Variants in LPP observed in about 807,000 individuals in gnomAD.
LPP encodes the protein LIM domain containing preferred translocation partner in lipoma.
LPP carries 38 observed loss-of-function variants against 60.4 expected under a neutral mutation model. The observed-to-expected ratio is 0.63, with a 90% CI of 0.49 to 0.83. The LOEUF is 0.83. Among genes scored for constraint, LPP ranks in the 40% least tolerant of loss-of-function variants. The probability of loss-of-function intolerance (pLI) is 0.00; values close to 1 mark genes in which losing one functional copy is unlikely to be tolerated. For synonymous variants in LPP, 328 were observed against 290.8 expected (o/e 1.13, Z -1.30); for missense variants, 902 against 783.6 (o/e 1.15, Z -1.80).
At chr3:188,717,943 A>G (rs530963578) in intron 8 of LPP, among the ~76,000 whole-genome samples, 1 of 152,174 alleles carries the variant, frequency 6.6e-6, no homozygotes, top group East Asian at 1.9e-4. Context: ...TCAGCCTCCC[A>G]GGTAGCTGGG....
intron 6 of LPP, among the ~76,000 whole-genome samples, chr3:188,546,016 T>C (rs1451269519): frequency 8.5e-5 from 13 of 152,218 alleles, no homozygotes; most frequent in Admixed American, 8.5e-4. Context: ...TTTAATGTTT[T>C]ATGTTGTATT....
chr3:188,153,579 TCTCC>T (rs1241366748), upstream of LPP: 1 of 152,254 alleles, frequency 6.6e-6, no homozygotes, highest in African/African-American at 2.4e-5. Context: ...AGTCTCCACA[TCTCC>T]CTCTTTCTCT....
chr3:188,714,531 A>T (rs954898760), intron 8 of LPP, among the ~76,000 whole-genome samples: 1 of 151,624 alleles, frequency 6.6e-6, no homozygotes, highest in African/African-American at 2.4e-5. Flanking sequence ...TATTTTTTCA[A>T]GTCAGGTTTT....
chr3:188,557,074 G>A (rs542630556), intron 6 of LPP, among the ~76,000 whole-genome samples: 8 of 152,116 alleles, frequency 5.3e-5, no homozygotes, highest in African/African-American at 1.7e-4. Context: ...ACGGTAGATA[G>A]CTTTGTGAAG....
intron 4 of LPP, among the ~76,000 whole-genome samples, chr3:188,420,814 A>G (rs1787582695): frequency 6.6e-6 from 1 of 152,186 alleles, no homozygotes; most frequent in South Asian, 2.1e-4. Context: ...AAAACTGAGT[A>G]TGTGGTGGTG....
rs755287902 is a variant in LPP, at chr3:188,886,737, T to TACACACACACACACAC, written c.*12271_*12286dup. Reference sequence around the variant, plus strand: ...TCTTCAAAACACACACACACACACATACACACACACACACACACACACACA... The same window carrying TACACACACACACACAC: ...TCTTCAAAACACACACACACACACATACACACACACACACACACACACACACACACACACACACACA... On this transcript the variant is annotated 3_prime_UTR_variant, in exon 12 of 12. Coordinates refer to ENST00000617246, the MANE Select transcript of LPP (RefSeq NM_001375462.1). 134 of 190,456 alleles carry TACACACACACACACAC rather than the reference T, an allele frequency of 7.0e-4. No individual in the cohort carries two copies. The highest frequency in any genetic ancestry group is 2.2e-3 in the South Asian group (9 of 4,168). 11.8% of individuals were successfully genotyped at this position (190,456 alleles called of 1,614,324 possible). A position where few individuals can be genotyped will look rare whatever the true frequency, so the allele number is the denominator to read the frequency against.
At chr3:188,443,848 A>T (rs1321090795) in intron 4 of LPP, among the ~76,000 whole-genome samples, 1 of 152,224 alleles carries the variant, frequency 6.6e-6, no homozygotes, top group African/African-American at 2.4e-5. Context: ...ATTCATTAAC[A>T]AAGTATTTTT....
rs1769781895 is a variant in LPP at position 188,880,180 on chromosome 3, G to GCA, written c.*5702_*5703insAC. On this transcript the variant is annotated 3_prime_UTR_variant, in exon 12 of 12. Coordinates refer to ENST00000617246, the MANE Select transcript of LPP (RefSeq NM_001375462.1). ...CGAGTAGCTGGGACTACAGGCGCCT[G>GCA]CCACCACGCCCGGCTAATTTTTTTG... 6.2e-6 allele frequency: 1 copy of GCA among 162,274 alleles called. No individual in the cohort carries two copies. The highest frequency in any genetic ancestry group is 2.0e-4 in the South Asian group (1 of 4,916). 10.1% of individuals were successfully genotyped at this position (162,274 alleles called of 1,614,324 possible). A position where few individuals can be genotyped will look rare whatever the true frequency, so the allele number is the denominator to read the frequency against.
intron 6 of LPP, among the ~76,000 whole-genome samples, chr3:188,539,108 T>C (rs1431397846): frequency 1.3e-5 from 2 of 152,226 alleles, no homozygotes; most frequent in African/African-American, 2.4e-5. Context: ...TCTTTGAATA[T>C]ACTAAGAATC....
At chr3:188,772,556 G>A (rs763273145) in intron 9 of LPP, among the ~76,000 whole-genome samples, 6 of 151,786 alleles carry the variant, frequency 4.0e-5, no homozygotes, top group Non-Finnish European at 8.8e-5. Context: ...GTGCAGTGGC[G>A]CCATCTTGGC....
intron 4 of LPP, among the ~76,000 whole-genome samples, chr3:188,468,066 G>A (rs1800914430): frequency 6.6e-6 from 1 of 151,954 alleles, no homozygotes; most frequent in South Asian, 2.1e-4. Context: ...TGCTATCTTT[G>A]AAAAATCATT....
At chr3:188,730,729 T>C (rs538783127) in intron 8 of LPP, among the ~76,000 whole-genome samples, 23 of 152,232 alleles carry the variant, frequency 1.5e-4, no homozygotes, top group Non-Finnish European at 2.9e-4. Flanking sequence ...TTCTGTAGGT[T>C]AGATGTTCAA....
intron 6 of LPP, among the ~76,000 whole-genome samples, chr3:188,539,453 G>A (rs1457792738): frequency 6.6e-6 from 1 of 152,162 alleles, no homozygotes; most frequent in Non-Finnish European, 1.5e-5. Flanking sequence ...TGAGAAAGCA[G>A]AATGAAAACC....
At chr3:188,471,920 A>T (rs1801947919) in intron 4 of LPP, among the ~76,000 whole-genome samples, 1 of 152,140 alleles carries the variant, frequency 6.6e-6, no homozygotes, top group Admixed American at 6.6e-5. Context: ...AGAGTGCTAG[A>T]TGGCTGTTGA....
At chr3:188,219,826 G>T (rs752756972) in intron 1 of LPP, among the ~76,000 whole-genome samples, 2 of 152,084 alleles carry the variant, frequency 1.3e-5, no homozygotes, top group Non-Finnish European at 2.9e-5. Flanking sequence ...CTTAGCACAT[G>T]CCTTTCCTTT....
intron 2 of LPP, among the ~76,000 whole-genome samples, chr3:188,316,278 C>CA (rs969678495): frequency 2.6e-5 from 4 of 151,786 alleles, no homozygotes; most frequent in Non-Finnish European, 5.9e-5. Flanking sequence ...AACTCTGTCT[C>CA]AAAAAAACAA....
intron 7 of LPP, among the ~76,000 whole-genome samples, chr3:188,612,545 G>T (rs1843943212): frequency 6.6e-6 from 1 of 152,116 alleles, no homozygotes; most frequent in Non-Finnish European, 1.5e-5. Context: ...TCAAACCTCA[G>T]TAAAGTAGAA....
intron 7 of LPP, among the ~76,000 whole-genome samples, chr3:188,649,660 T>C (rs1189903960): frequency 6.6e-6 from 1 of 152,192 alleles, no homozygotes; most frequent in Admixed American, 6.5e-5. Flanking sequence ...GAAGGTTTTT[T>C]TTTATTATTA....
chr3:188,295,844 G>A lies in LPP; in HGVS notation c.-66-45819G>A, dbSNP rs144941494. 1.6e-4 allele frequency among the ~76,000 whole-genome samples: 24 copies of A among 152,278 alleles called. No homozygotes were observed. The East Asian group carries it at 4.6e-3, about 29-fold the overall frequency. ...CCCAGCCTTTATTTTGTTTTTAAGT[G>A]AGAATTATTTTTTTCTTAAACCCAG... On this transcript the variant is annotated intron_variant, in intron 2 of 11. Coordinates refer to ENST00000617246, the MANE Select transcript of LPP (RefSeq NM_001375462.1).
Sources: gnomAD v4.1 joint callset for allele counts (sites outside exome capture counted in the v4.1 genomes callset) on GRCh38, gnomAD v4.1.1 for gene constraint, MANE v1.5 for transcripts, NCBI Gene and HGNC (gene_info 2026-07-23, HGNC 2026-07-21) for gene names.